Variants in MAST3 observed in about 807,000 individuals in gnomAD.
The protein encoded by MAST3 is microtubule associated serine/threonine kinase 3.
A neutral mutation model predicts 127.0 loss-of-function variants in MAST3; 43 were observed. The observed-to-expected ratio is 0.34, with a 90% confidence interval of 0.27 to 0.44. MAST3 has a LOEUF of 0.44. Among genes scored for constraint, MAST3 ranks in the 20% least tolerant of loss-of-function variants. The probability of loss-of-function intolerance (pLI) is 1.00; values close to 1 mark genes in which losing one functional copy is unlikely to be tolerated. For missense variants in MAST3, 1,390 were observed against 1,919.1 expected, an observed-to-expected ratio of 0.72 and a Z score of 5.15; for synonymous variants, 785 against 809.2, an observed-to-expected ratio of 0.97 and a Z score of 0.51.
chr19:18,127,934 G>A (rs1599780404), intron 11 of MAST3, among the ~76,000 whole-genome samples: 1 of 152,196 alleles, frequency 6.6e-6, no homozygotes, highest in East Asian at 1.9e-4. Flanking sequence ...ATAAGGCTGA[G>A]CAGGGAATCA....
chr19:18,109,136 GT>G (rs2038302542), intron 2 of MAST3, among the ~76,000 whole-genome samples: 1 of 152,190 alleles, frequency 6.6e-6, no homozygotes, highest in Non-Finnish European at 1.5e-5. Flanking sequence ...CTTGGGCAAA[GT>G]TTCTGGGGTG....
At position 18,144,460 on chromosome 19, in the gene MAST3, C is replaced by T; in HGVS notation, c.2585-6C>T. On this transcript the variant is annotated splice_polypyrimidine_tract_variant and splice_region_variant and intron_variant, in intron 22 of 27. Transcript: ENST00000687212. The surrounding 1 kb of genome is among the most constrained non-coding windows in gnomAD (Gnocchi z 4.0). Reference sequence around the variant, plus strand: ...GGGCACCCAGCTGACCCTGCTGACCCTCTAGCCGACACAGCTGCTCTCAGC... The same window carrying T: ...GGGCACCCAGCTGACCCTGCTGACCTTCTAGCCGACACAGCTGCTCTCAGC... The T allele has an allele frequency of 6.4e-7, 1 of 1,555,378 alleles. No individual in the cohort carries two copies. The highest frequency in any genetic ancestry group is 8.7e-7 in the Non-Finnish European group (1 of 1,152,334).
At position 18,126,579 on chromosome 19, in the gene MAST3, T is replaced by C. The variant is rs1373650320; in HGVS notation, c.1078+1805T>C. 1.2e-4 allele frequency among the ~76,000 whole-genome samples: 19 copies of C among 152,046 alleles called. 1 individual carries two copies. Among genetic ancestry groups the C allele is most frequent in the Admixed American group, 1.2e-3 (19 of 15,248 alleles). On this transcript the variant is annotated intron_variant, in intron 11 of 27. Transcript: ENST00000687212. ...TTGAAGCCAGGAGTTTGAGACCAGC[T>C]TGGGCAACATACTGAGATCTCGTCT...
chr19:18,116,828 G>A, intron 3 of MAST3, among the ~76,000 whole-genome samples: 1 of 145,622 alleles, frequency 6.9e-6, no homozygotes, highest in Non-Finnish European at 1.5e-5. Flanking sequence ...CAGGAGAATC[G>A]TTTGAACCCA....
intron 1 of MAST3, among the ~76,000 whole-genome samples, chr19:18,104,168 A>G (rs2037868388): frequency 7.8e-6 from 1 of 128,650 alleles, no homozygotes; most frequent in Non-Finnish European, 1.6e-5. Context: ...CGACATAGCC[A>G]GACGCTGTCT....
chr19:18,139,184 T>G, intron 20 of MAST3, 60 bp downstream of exon 20: 1 of 1,258,136 alleles, frequency 7.9e-7, no homozygotes, highest in African/African-American at 1.5e-5. Flanking sequence ...GTCTGTTTGC[T>G]TTCGTATCTG....
chr19:18,134,321 G>A (rs745439320), intron 15 of MAST3, among the ~76,000 whole-genome samples: 3 of 152,192 alleles, frequency 2.0e-5, no homozygotes, highest in Non-Finnish European at 4.4e-5. Context: ...AAAGGTGGGA[G>A]GATTGCTTGA....
In MAST3 at chr19:18,143,988, C is replaced by T. The variant is rs1260652031; in HGVS notation, c.2565C>T (p.Pro855=). 4 of 1,574,346 alleles carry T rather than the reference C, an allele frequency of 2.5e-6. No individual in the cohort carries two copies. Among genetic ancestry groups the T allele is most frequent in the East Asian group, 4.7e-5 (2 of 42,786 alleles). Residue 855 remains proline (P), a synonymous_variant, in exon 22 of 28, where the codon CCC becomes CCT. Transcript: ENST00000687212. The part of the protein sequence containing the change: ...DPPPAATPVM[P]KPSSLSADTA... ...CACCAGCGGCCACCCCAGTGATGCC[C>T]AAGCCCTCGAGCCTTTCTGGTAAGT...
chr19:18,121,943 G>T (rs1411167024), intron 5 of MAST3, 21 bp downstream of exon 5: 2 of 1,613,944 alleles, frequency 1.2e-6, no homozygotes, highest in Non-Finnish European at 1.7e-6. Flanking sequence ...GCCGGCTTTG[G>T]GAGACAGTGC....
At chr19:18,127,461 AT>A (rs1162228224) in intron 11 of MAST3, among the ~76,000 whole-genome samples, 1 of 152,122 alleles carries the variant, frequency 6.6e-6, no homozygotes, top group Non-Finnish European at 1.5e-5. Flanking sequence ...AGGCAGGCGG[AT>A]TACCTGAGGT....
intron 21 of MAST3, among the ~76,000 whole-genome samples, chr19:18,143,232 G>A (rs2042700651): frequency 6.6e-6 from 1 of 152,016 alleles, no homozygotes; most frequent in South Asian, 2.1e-4. Flanking sequence ...CCAAAGTGCT[G>A]GAATTATAGG....
chr19:18,138,082 T>C lies in MAST3; in HGVS notation c.2095+721T>C, dbSNP rs139200018. 6.4e-4 allele frequency among the ~76,000 whole-genome samples: 97 copies of C among 152,020 alleles called. 1 individual carries two copies. The South Asian group carries it at 7.1e-3, about 11-fold the overall frequency. On this transcript the variant is annotated intron_variant, in intron 19 of 27. Coordinates refer to ENST00000687212, the MANE Select transcript of MAST3 (RefSeq NM_001393504.1). ...AAAATTAGGCAGGCATGGTGGTACA[T>C]GCCTGTAATCCCAGCTATTTGGGAG...
At chr19:18,134,761 T>G in intron 16 of MAST3, 50 bp downstream of exon 16, 8 of 1,613,460 alleles carry the variant, frequency 5.0e-6, no homozygotes, top group Non-Finnish European at 6.8e-6. Context: ...TCCTCTCTCC[T>G]GGGACCTCTC....
chr19:18,143,818 G>A lies in MAST3; in HGVS notation c.2395G>A (p.Glu799Lys), dbSNP rs202117591. 9.3e-6 allele frequency: 15 copies of A among 1,613,828 alleles called. No individual in the cohort carries two copies. The highest frequency in any genetic ancestry group is 1.3e-5 in the African/African-American group (1 of 75,048). The change falls in exon 22 of 28, where the codon GAG becomes AAG. Residue 799 changes from glutamate to lysine, a missense_variant. By Grantham distance (56) the Glu-to-Lys change is moderately conservative. Coordinates refer to ENST00000687212, the MANE Select transcript of MAST3 (RefSeq NM_001393504.1). The stretch of plus-strand genomic sequence containing the variant: ...CTGTCAGTCATCTTCGTCCCAGCCC[G>A]AGCGGGGTCCCAGCCCATCTCTCCT... Reference protein sequence around the residue: ...SSCQSSSSQPERGPSPSLLNT... With the variant: ...SSCQSSSSQPKRGPSPSLLNT...
chr19:18,104,590 C>T (rs1297850772), intron 1 of MAST3, among the ~76,000 whole-genome samples: 2 of 152,110 alleles, frequency 1.3e-5, no homozygotes, highest in Non-Finnish European at 2.9e-5. Flanking sequence ...CAGATCACGA[C>T]GTGGGCAGCC....
intron 1 of MAST3, 101 bp downstream of exon 1, chr19:18,097,932 A>G: frequency 1.1e-6 from 1 of 946,524 alleles, no homozygotes; most frequent in East Asian, 3.4e-5. Flanking sequence ...GCTGTAGGGA[A>G]ACTGAGGCAG....
Position 18,149,304 on chromosome 19 carries a change from C to T in MAST3, c.3622C>T (p.Pro1208Ser), listed in dbSNP as rs1215089844. Reference sequence around the variant, plus strand: ...GCACGGCCTGGCTGCCAAGCTTGGGCCACCCCGCCCCAAGACTGGCCGCCG... The same window carrying T: ...GCACGGCCTGGCTGCCAAGCTTGGGTCACCCCGCCCCAAGACTGGCCGCCG... ...SLHGLAAKLG[P>S]PRPKTGRRKS... The change falls in exon 28 of 28, where the codon CCA (proline) becomes TCA (serine). Residue 1208 changes from proline (P) to serine (S), a missense_variant. By Grantham distance (74) the Pro-to-Ser change is moderately conservative. Coordinates refer to ENST00000687212, the MANE Select transcript of MAST3 (RefSeq NM_001393504.1). This position sits in a 1 kb window ranked among gnomAD's most constrained non-coding sequence, Gnocchi z 5.9. 5 of 1,530,802 alleles carry T rather than the reference C, an allele frequency of 3.3e-6. No homozygotes were observed. In the East Asian group the frequency reaches 1.3e-4, roughly 40 times the overall value. 94.8% of individuals were successfully genotyped at this position (1,530,802 alleles called of 1,614,324 possible). A position where few individuals can be genotyped will look rare whatever the true frequency, so the allele number is the denominator to read the frequency against.
Position 18,103,237 on chromosome 19 carries a change from A to G in MAST3, c.40-4350A>G, listed in dbSNP as rs149031421. On this transcript the variant is annotated intron_variant, in intron 1 of 27. Transcript: ENST00000687212. ...CGATTTTGCCTCACCTCTCTCTGCC[A>G]CTTTAAAAAAACATCTTCAGGCCAG... is the stretch of plus-strand genomic sequence containing the variant. 5.3e-3 allele frequency among the ~76,000 whole-genome samples: 805 copies of G among 152,188 alleles called. 7 individuals carry two copies. Among genetic ancestry groups the G allele is most frequent in the Non-Finnish European group, 7.4e-3 (504 of 68,004 alleles).
chr19:18,102,481 C>CTTTT (rs147386221), intron 1 of MAST3, among the ~76,000 whole-genome samples: 1 of 131,726 alleles, frequency 7.6e-6, no homozygotes, highest in Non-Finnish European at 1.6e-5. Flanking sequence ...GCCCGGCCAC[C>CTTTT]TTTTTTTTTT....
Sources: allele counts gnomAD v4.1 joint callset (sites outside exome capture counted in the v4.1 genomes callset), GRCh38; gene constraint gnomAD v4.1.1; non-coding constraint Gnocchi (gnomAD v3.1); transcripts MANE v1.5; gene names NCBI Gene and HGNC (gene_info 2026-07-23, HGNC 2026-07-21).